FARP1: variants seen among roughly 807,000 people sequenced by gnomAD.
FARP1 encodes FERM, ARHGEF and pleckstrin domain-containing protein 1.
A neutral mutation model predicts 128.8 loss-of-function variants in FARP1; 52 were observed. The observed-to-expected ratio is 0.40, with a 90% CI of 0.32 to 0.51. The LOEUF (loss-of-function observed/expected upper bound fraction) is 0.51, where lower values mean the gene tolerates loss of function less well. Among genes scored for constraint, FARP1 ranks in the 20% least tolerant of loss-of-function variants. The pLI is 0.45. For synonymous variants in FARP1, 580 were observed against 551.8 expected, an observed-to-expected ratio of 1.05 and a Z score of -0.72; for missense variants, 1,333 against 1,367.9, an observed-to-expected ratio of 0.97 and a Z score of 0.40.
In FARP1 at chr13:98,440,168, C is replaced by T; in HGVS notation, c.2562C>T (p.Ala854=). ...AGTGGGTTGAGGACATCCAGATGGC[C>T]ATTGACCTGGCGGAGAAGAGCAGCA... The part of the protein sequence containing the change: ...MEKWVEDIQM[A]IDLAEKSSSP... The change falls in exon 23 of 27, where the codon GCC becomes GCT. Residue 854 remains alanine, a synonymous_variant. Coordinates refer to ENST00000319562, the MANE Select transcript of FARP1 (RefSeq NM_005766.4). 1 of 1,614,078 alleles carries T rather than the reference C, an allele frequency of 6.2e-7. No individual in the cohort carries two copies. The highest frequency in any genetic ancestry group is 1.1e-5 in the South Asian group (1 of 91,084).
chr13:98,211,113 AGT>A (rs1368368285), intron 1 of FARP1, among the ~76,000 whole-genome samples: 2 of 152,034 alleles, frequency 1.3e-5, no homozygotes, highest in Non-Finnish European at 2.9e-5. Flanking sequence ...CTCTTCCCTC[AGT>A]GGCTCCTGCT....
intron 1 of FARP1, among the ~76,000 whole-genome samples, chr13:98,145,263 C>G (rs1004427712): frequency 1.3e-5 from 2 of 152,150 alleles, no homozygotes; most frequent in African/African-American, 4.8e-5. Context: ...TTCTATGGTG[C>G]ACCACCCCGC....
At chr13:98,191,581 T>A (rs4772047) in intron 1 of FARP1, among the ~76,000 whole-genome samples, 144 of 152,214 alleles carry the variant, frequency 9.5e-4, no homozygotes, top group Admixed American at 1.6e-3. Flanking sequence ...GAGACTATGC[T>A]TCTTCATTTT....
chr13:98,345,813 TATC>T (rs935018606), intron 3 of FARP1, among the ~76,000 whole-genome samples: 6 of 152,324 alleles, frequency 3.9e-5, no homozygotes, highest in African/African-American at 1.4e-4. Context: ...AATCTCCCCT[TATC>T]ATGCAAAAGC....
At chr13:98,325,971 A>AG (rs2139807372) in intron 2 of FARP1, among the ~76,000 whole-genome samples, 1 of 152,378 alleles carries the variant, frequency 6.6e-6, no homozygotes, top group African/African-American at 2.4e-5. Flanking sequence ...TGACAGGCTT[A>AG]GAGGGACATT....
At chr13:98,378,467 G>T (rs1245428319) in intron 6 of FARP1, among the ~76,000 whole-genome samples, 2 of 152,142 alleles carry the variant, frequency 1.3e-5, no homozygotes, top group Admixed American at 6.6e-5. Context: ...CCACCTGGGT[G>T]TTTTTTCCCT....
chr13:98,214,393 A>G (rs1218963454), intron 2 of FARP1, among the ~76,000 whole-genome samples: 1 of 151,886 alleles, frequency 6.6e-6, no homozygotes, highest in Non-Finnish European at 1.5e-5. Flanking sequence ...TACCATGTCT[A>G]ATATTGTTTG....
At chr13:98,414,143 A>C (rs1891292116) in intron 16 of FARP1, among the ~76,000 whole-genome samples, 1 of 152,240 alleles carries the variant, frequency 6.6e-6, no homozygotes, top group Non-Finnish European at 1.5e-5. Flanking sequence ...TATCTGTGAA[A>C]GAGTAGTGAG....
intron 1 of FARP1, among the ~76,000 whole-genome samples, chr13:98,206,980 G>GT (rs1454371637): frequency 6.6e-6 from 1 of 152,178 alleles, no homozygotes; most frequent in African/African-American, 2.4e-5. Flanking sequence ...AGGCCTTTCG[G>GT]TTTGTTGGAT....
At chr13:98,333,436 T>TACACACACACAC (rs60264788) in intron 2 of FARP1, among the ~76,000 whole-genome samples, 331 of 139,734 alleles carry the variant, frequency 2.4e-3, no homozygotes, top group Middle Eastern at 0.015. Flanking sequence ...CCCCCACATG[T>TACACACACACAC]ACACACACAC....
intron 6 of FARP1, among the ~76,000 whole-genome samples, chr13:98,378,953 T>G (rs1889722237): frequency 9.1e-6 from 1 of 110,056 alleles, no homozygotes; most frequent in Non-Finnish European, 1.7e-5. Context: ...ATATAATATA[T>G]ATATAATATA....
In FARP1 at chr13:98,452,765, C is replaced by T. The variant is rs117911332; in HGVS notation, c.*4448C>T. On this transcript the variant is annotated 3_prime_UTR_variant, in exon 27 of 27. Coordinates refer to ENST00000319562, the MANE Select transcript of FARP1 (RefSeq NM_005766.4). ...AAATCTGTACACCCATCCACCAGAG[C>T]GATTCTCCAGCTCCCAGAGGGAGTT... 2,293 of 173,402 alleles carry T rather than the reference C, an allele frequency of 0.013. 29 individuals are homozygous for T. The highest frequency in any genetic ancestry group is 0.021 in the Non-Finnish European group (1,708 of 81,332). The allele number at this position is 173,402 out of a possible 1,614,324, so 10.7% of individuals were successfully genotyped here. A position where few individuals can be genotyped will look rare whatever the true frequency, so the allele number is the denominator to read the frequency against.
intron 3 of FARP1, among the ~76,000 whole-genome samples, chr13:98,365,116 A>C (rs1370255830): frequency 6.6e-6 from 1 of 152,252 alleles, no homozygotes; most frequent in Non-Finnish European, 1.5e-5. Context: ...TAAATATGAT[A>C]AATGTATAAA....
chr13:98,289,976 G>A (rs7337475), intron 2 of FARP1, among the ~76,000 whole-genome samples: 95,892 of 151,858 alleles, frequency 0.63, 30,829 homozygotes, highest in East Asian at 0.93. Flanking sequence ...TCATACACAC[G>A]CGTACTTCTC....
chr13:98,220,128 T>C (rs1027462142), intron 2 of FARP1, among the ~76,000 whole-genome samples: 6 of 152,150 alleles, frequency 3.9e-5, no homozygotes, highest in African/African-American at 1.4e-4. Flanking sequence ...CTATCTCTTC[T>C]GTAAGTGTAG....
At chr13:98,207,896 C>T (rs529593643) in intron 1 of FARP1, among the ~76,000 whole-genome samples, 7 of 137,862 alleles carry the variant, frequency 5.1e-5, no homozygotes, top group East Asian at 2.3e-4. Flanking sequence ...TACTGCTCCC[C>T]GACCACCACC....
chr13:98,316,347 CTATT>C (rs1289564400), intron 2 of FARP1, among the ~76,000 whole-genome samples: 1 of 152,204 alleles, frequency 6.6e-6, no homozygotes, highest in Non-Finnish European at 1.5e-5. Context: ...TTGTGAAAAA[CTATT>C]TAATCTCCAT....
chr13:98,327,639 C>G (rs1377259532), intron 2 of FARP1, among the ~76,000 whole-genome samples: 2 of 152,192 alleles, frequency 1.3e-5, no homozygotes, highest in Non-Finnish European at 2.9e-5. Flanking sequence ...GTCTTTCCCT[C>G]TTGTCCATGG....
At chr13:98,416,259 A>G (rs373961134) in intron 16 of FARP1, among the ~76,000 whole-genome samples, 3 of 152,358 alleles carry the variant, frequency 2.0e-5, no homozygotes, top group East Asian at 1.9e-4. Context: ...ATTAATGGAA[A>G]GAGATCTAAA....
Sources: gnomAD v4.1 joint callset for allele counts (sites outside exome capture counted in the v4.1 genomes callset) on GRCh38, gnomAD v4.1.1 for gene constraint, MANE v1.5 for transcripts, NCBI Gene and HGNC (gene_info 2026-07-23, HGNC 2026-07-21) for gene names.